Variants in FRYL observed in about 807,000 individuals in gnomAD.
FRYL encodes the protein FRY like transcription coactivator.
FRYL carries 150 observed loss-of-function variants against 351.2 expected under a neutral mutation model. The observed-to-expected ratio is 0.43, with a 90% CI of 0.37 to 0.49. The LOEUF (loss-of-function observed/expected upper bound fraction) is 0.49. Ranked by LOEUF, FRYL falls within the 20% of genes least tolerant of loss-of-function variation. The probability of loss-of-function intolerance (pLI) is 0.00; values close to 1 mark genes in which losing one functional copy is unlikely to be tolerated. For missense variants in FRYL, 3,036 were observed against 3,619.3 expected (o/e 0.84, Z 4.13); for synonymous variants, 1,153 against 1,257.1 (o/e 0.92, Z 1.75).
chr4:48,590,888 A>T (rs1162388733), intron 16 of FRYL, 58 bp from the exon 17 acceptor site: 4 of 1,326,970 alleles, frequency 3.0e-6, no homozygotes, highest in Non-Finnish European at 4.2e-6. Flanking sequence ...CCTTTTTTGC[A>T]TGTTAGAAAT....
chr4:48,542,423 T>C (rs1017685094), intron 44 of FRYL, among the ~76,000 whole-genome samples: 3 of 152,186 alleles, frequency 2.0e-5, no homozygotes, highest in African/African-American at 7.2e-5. Flanking sequence ...TTTTGTTTGT[T>C]TGTTTGTATT....
chr4:48,681,136 T>G, intron 3 of FRYL: 1 of 1,212,136 alleles, frequency 8.2e-7, no homozygotes, highest in Non-Finnish European at 1.1e-6. Flanking sequence ...TTTAAGGTTC[T>G]TCTACATTAC....
At chr4:48,661,101 A>T (rs2149474431) in intron 3 of FRYL, among the ~76,000 whole-genome samples, 1 of 152,366 alleles carries the variant, frequency 6.6e-6, no homozygotes, top group South Asian at 2.1e-4. Context: ...AATGTAAAAT[A>T]GTAACAGCAG....
rs199585539 is a variant in FRYL, at chr4:48,634,419, T to A, written c.-9A>T. The A allele has an allele frequency of 1.3e-4, 210 of 1,612,602 alleles. No individual in the cohort carries two copies. Among genetic ancestry groups the A allele is most frequent in the Non-Finnish European group, 1.6e-4 (191 of 1,179,012 alleles). ...ATCGTAATGTTTGACATGATGATAT[T>A]TTTTTTTCCCCAAGTGGAATGAAAG... On this transcript the variant is annotated 5_prime_UTR_variant, in exon 4 of 64. Coordinates refer to ENST00000358350, the MANE Select transcript of FRYL (RefSeq NM_015030.2).
At chr4:48,652,998 CT>C (rs1758043077) in intron 3 of FRYL, among the ~76,000 whole-genome samples, 1 of 152,054 alleles carries the variant, frequency 6.6e-6, no homozygotes, top group African/African-American at 2.4e-5. Flanking sequence ...TATTATGATA[CT>C]TTTGGCAAAA....
rs890483550 is a variant in FRYL, at chr4:48,497,754, T to C, written c.*1668A>G. The C allele has an allele frequency of 5.2e-5, 8 of 152,588 alleles. No individual in the cohort carries two copies. Among genetic ancestry groups the C allele is most frequent in the African/African-American group, 1.7e-4 (7 of 41,446 alleles). 9.5% of individuals were successfully genotyped at this position (152,588 alleles called of 1,614,324 possible). A position where few individuals can be genotyped will look rare whatever the true frequency, so the allele number is the denominator to read the frequency against. ...CAGTACCAGAACACCATCAAAATAA[T>C]TGTCTTTATCAGGGTCAAAAAATAC... On this transcript the variant is annotated 3_prime_UTR_variant, in exon 64 of 64. Coordinates refer to ENST00000358350, the MANE Select transcript of FRYL (RefSeq NM_015030.2).
chr4:48,688,725 C>T (rs1229868997), intron 2 of FRYL, among the ~76,000 whole-genome samples: 3 of 139,440 alleles, frequency 2.2e-5, no homozygotes, highest in East Asian at 4.2e-4. Flanking sequence ...TACAGTGGCA[C>T]GATGTTGGCT....
intron 1 of FRYL, among the ~76,000 whole-genome samples, chr4:48,763,429 T>A (rs1033424184): frequency 6.6e-6 from 1 of 152,062 alleles, no homozygotes; most frequent in Non-Finnish European, 1.5e-5. Flanking sequence ...ACCACTGTAC[T>A]CCAACCTGGA....
chr4:48,497,922 C>G lies in FRYL; in HGVS notation c.*1500G>C, dbSNP rs1411150048. 6.6e-6 allele frequency: 1 copy of G among 152,418 alleles called. No homozygotes were observed. Among genetic ancestry groups the G allele is most frequent in the Non-Finnish European group, 1.5e-5 (1 of 67,970 alleles). 9.4% of individuals were successfully genotyped at this position (152,418 alleles called of 1,614,324 possible). A position where few individuals can be genotyped will look rare whatever the true frequency, so the allele number is the denominator to read the frequency against. On this transcript the variant is annotated 3_prime_UTR_variant, in exon 64 of 64. Coordinates refer to ENST00000358350, the MANE Select transcript of FRYL (RefSeq NM_015030.2). ...ACATTTCTGGCAGGGTCCACACCCCCCAAGAAAAGGTAAAGCTAAGCATTT... is the reference window on the plus strand; with the variant it reads ...ACATTTCTGGCAGGGTCCACACCCCGCAAGAAAAGGTAAAGCTAAGCATTT...
Position 48,634,441 on chromosome 4 carries a change from A to G in FRYL, c.-31T>C. ...TATTTTTTTTTCCCCAAGTGGAATG[A>G]AAGTTGGAAGAAGCACAGTATTTAT... On this transcript the variant is annotated 5_prime_UTR_variant, in exon 4 of 64. Coordinates refer to ENST00000358350, the MANE Select transcript of FRYL (RefSeq NM_015030.2). The G allele has an allele frequency of 6.2e-7, 1 of 1,612,754 alleles. No homozygotes were observed. The highest frequency in any genetic ancestry group is 1.1e-5 in the South Asian group (1 of 91,046).
intron 2 of FRYL, among the ~76,000 whole-genome samples, chr4:48,705,539 G>A (rs1274834397): frequency 7.3e-6 from 1 of 137,530 alleles, no homozygotes; most frequent in African/African-American, 2.8e-5. Flanking sequence ...TGAATATATA[G>A]CTTGCTTATA....
At position 48,657,357 on chromosome 4, in the gene FRYL, T is replaced by TC. The variant is rs1483231691; in HGVS notation, c.-80-22868_-80-22867insG. ...AGCTGATTTTTCTTTTCTTTTCTTTTTTTTTTTTTTTTTTTGGAGAAGTAG... is the reference window on the plus strand; with the variant it reads ...AGCTGATTTTTCTTTTCTTTTCTTTTCTTTTTTTTTTTTTTTGGAGAAGTAG... On this transcript the variant is annotated intron_variant, in intron 3 of 63. Coordinates refer to ENST00000358350, the MANE Select transcript of FRYL (RefSeq NM_015030.2). 2.7e-4 allele frequency among the ~76,000 whole-genome samples: 40 copies of TC among 148,678 alleles called. 1 individual carries two copies. In the South Asian group the frequency reaches 2.8e-3, roughly 10 times the overall value.
Position 48,590,738 on chromosome 4 carries a change from A to G in FRYL, c.1428T>C (p.Ile476=), listed in dbSNP as rs749030077. The stretch of plus-strand genomic sequence containing the variant: ...CACGAAGAGTATTTCCTGAGGGAAG[A>G]ATAACTCCTGTTGTTGGCATGGGTG... The part of the protein sequence containing the change: ...GEPPMPTTGV[I]LPSGNTLRVK... The change falls in exon 17 of 64, where the codon ATT becomes ATC. Residue 476 remains isoleucine (I), a synonymous_variant. Coordinates refer to ENST00000358350, the MANE Select transcript of FRYL (RefSeq NM_015030.2). 6.8e-6 allele frequency: 11 copies of G among 1,613,404 alleles called. No individual in the cohort carries two copies. In the East Asian group the frequency reaches 2.5e-4, roughly 36 times the overall value.
At position 48,606,471 on chromosome 4, in the gene FRYL, T is replaced by C; in HGVS notation, c.708A>G (p.Val236=). Reference sequence around the variant, plus strand: ...ATTGAAATGATGCTTCAAAATCTTCTACAGGATACATTTTTACTCGAAAAA... The same window carrying C: ...ATTGAAATGATGCTTCAAAATCTTCCACAGGATACATTTTTACTCGAAAAA... The part of the protein sequence containing the change: ...MKFFRVKMYP[V]EDFEASFQFM... The change falls in exon 10 of 64, where the codon GTA becomes GTG. Residue 236 remains valine (V), a synonymous_variant. Transcript: ENST00000358350. The C allele has an allele frequency of 1.9e-6, 3 of 1,611,328 alleles. No homozygotes were observed. The highest frequency in any genetic ancestry group is 2.5e-6 in the Non-Finnish European group (3 of 1,177,984).
Position 48,541,064 on chromosome 4 carries a change from A to C in FRYL, c.5688-104T>G, listed in dbSNP as rs916427632. 12 of 1,156,976 alleles carry C rather than the reference A, an allele frequency of 1.0e-5. No individual in the cohort carries two copies. In the African/African-American group the frequency reaches 1.7e-4, roughly 16 times the overall value. 71.7% of individuals were successfully genotyped at this position (1,156,976 alleles called of 1,614,324 possible). On this transcript the variant is annotated intron_variant, in intron 45 of 63. Coordinates refer to ENST00000358350, the MANE Select transcript of FRYL (RefSeq NM_015030.2). ...AAAAATAGTAACTGGTACCAGAAAA[A>C]TCATTTTTCAGTATATCTGACTTTG...
At chr4:48,739,267 G>A (rs1184750702) in intron 1 of FRYL, among the ~76,000 whole-genome samples, 1 of 152,028 alleles carries the variant, frequency 6.6e-6, no homozygotes, top group Non-Finnish European at 1.5e-5. Flanking sequence ...AGGGCATGGT[G>A]GCATGTGCCT....
intron 3 of FRYL, among the ~76,000 whole-genome samples, chr4:48,655,794 TA>T (rs1322354134): frequency 6.9e-6 from 1 of 145,114 alleles, no homozygotes; most frequent in African/African-American, 2.5e-5. Flanking sequence ...TATATAATCA[TA>T]TATAATGTAA....
rs770748650 is a variant in FRYL at position 48,578,729 on chromosome 4, CA to C, written c.2528+243del. Reference sequence around the variant, plus strand: ...AGATTCGATGGACACAACTATGTACCAAGTACAGTGTTATTAAGTAAATTAA... The same window carrying C: ...AGATTCGATGGACACAACTATGTACCAGTACAGTGTTATTAAGTAAATTAA... On this transcript the variant is annotated intron_variant, in intron 23 of 63. Coordinates refer to ENST00000358350, the MANE Select transcript of FRYL (RefSeq NM_015030.2). Among the ~76,000 whole-genome samples, 9 of 152,200 alleles carry C rather than the reference CA, an allele frequency of 5.9e-5. No individual in the cohort carries two copies. The East Asian group carries it at 1.5e-3, about 26-fold the overall frequency.
intron 1 of FRYL, among the ~76,000 whole-genome samples, chr4:48,759,081 T>C (rs1486124411): frequency 6.6e-6 from 1 of 151,988 alleles, no homozygotes; most frequent in East Asian, 1.9e-4. Context: ...GGGCCTGTCA[T>C]GGCGTTGGGG....
Sources: gnomAD v4.1 joint callset for allele counts (sites outside exome capture counted in the v4.1 genomes callset) on GRCh38, gnomAD v4.1.1 for gene constraint, MANE v1.5 for transcripts, NCBI Gene and HGNC (gene_info 2026-07-23, HGNC 2026-07-21) for gene names.